The following LRRC37A variants were observed in gnomAD, a reference collection of about 807,000 sequenced individuals.
LRRC37A encodes the protein leucine rich repeat containing 37A.
In LRRC37A, 3 loss-of-function variants were observed where a neutral mutation model predicts 35.4. The ratio of observed to expected loss-of-function variants is 0.08; its 90% CI spans 0.04 to 0.22. The LOEUF (loss-of-function observed/expected upper bound fraction) is 0.22, where lower values mean the gene tolerates loss of function less well. Among genes scored for constraint, LRRC37A ranks in the 10% least tolerant of loss-of-function variants. The pLI is 1.00. For missense variants in LRRC37A, 67 were observed against 565.3 expected (o/e 0.12, Z 8.94); for synonymous variants, 23 against 215.0 (o/e 0.11, Z 7.81).
rs1164145796 is a variant in LRRC37A at position 46,325,706 on chromosome 17, C to T, written c.3053+2679C>T. On this transcript the variant is annotated intron_variant, in intron 7 of 13. Transcript: ENST00000320254. ...AGTGATGATAGTCCTCTGGTTATGT[C>T]GGAGAATGCCTTGGTTCTTAGGGGC... Among the ~76,000 whole-genome samples, 5 of 79,718 alleles carry T rather than the reference C, an allele frequency of 6.3e-5. 2 individuals are homozygous for T. The highest frequency in any genetic ancestry group is 1.5e-4 in the Non-Finnish European group (4 of 26,428). The allele number at this position is 79,718 out of a possible 152,430, so 52.3% of individuals were successfully genotyped here. A position where few individuals can be genotyped will look rare whatever the true frequency, so the allele number is the denominator to read the frequency against.
At position 46,306,048 on chromosome 17, in the gene LRRC37A, T is replaced by C. The variant is rs1185260570; in HGVS notation, c.2826-181T>C. 2.4e-5 allele frequency among the ~76,000 whole-genome samples: 2 copies of C among 81,932 alleles called. 1 individual carries two copies. The highest frequency in any genetic ancestry group is 7.4e-5 in the Non-Finnish European group (2 of 27,030). The allele number at this position is 81,932 out of a possible 152,430, so 53.8% of individuals were successfully genotyped here. A position where few individuals can be genotyped will look rare whatever the true frequency, so the allele number is the denominator to read the frequency against. On this transcript the variant is annotated intron_variant, in intron 4 of 13. Transcript: ENST00000320254. ...TGAACATTCACTGTTTTGTATCTAA[T>C]GCACCACGTGTGCAGTGTTAAAGTA...
upstream of LRRC37A, among the ~76,000 whole-genome samples, chr17:46,288,081 C>T: frequency 6.6e-6 from 1 of 152,154 alleles, no homozygotes; most frequent in Non-Finnish European, 1.5e-5. Context: ...AAGTCGTCCT[C>T]AAGCTTCAAA....
the LRRC37A span, among the ~76,000 whole-genome samples, chr17:46,259,244 C>T: frequency 4.2e-5 from 2 of 47,184 alleles, no homozygotes; most frequent in African/African-American, 3.1e-4. Flanking sequence ...TCATGCTAAG[C>T]TGTGGCAGAG....
At chr17:46,260,391 A>G in the LRRC37A span, 1 of 1,382,510 alleles carries the variant, frequency 7.2e-7, no homozygotes, top group Non-Finnish European at 9.4e-7. Context: ...GCGCTGGAAC[A>G]GCAGGATAGC....
chr17:46,291,907 G>A (rs928090618), upstream of LRRC37A, among the ~76,000 whole-genome samples: 1 of 150,562 alleles, frequency 6.6e-6, no homozygotes, highest in Admixed American at 6.7e-5. Flanking sequence ...GCTGCGATGG[G>A]GTGTGATTGC....
upstream of LRRC37A, among the ~76,000 whole-genome samples, chr17:46,288,968 T>C (rs939730594): frequency 3.1e-4 from 47 of 152,334 alleles, no homozygotes; most frequent in African/African-American, 1.1e-3. Flanking sequence ...CCCAAAGTGC[T>C]GGGATTACAA....
At chr17:46,291,324 T>G (rs2050060578), upstream of LRRC37A, among the ~76,000 whole-genome samples, 1 of 152,182 alleles carries the variant, frequency 6.6e-6, no homozygotes, top group Non-Finnish European at 1.5e-5. Flanking sequence ...GACATAGTCA[T>G]GCTTAAATAA....
At chr17:46,287,550 C>A in the LRRC37A span, among the ~76,000 whole-genome samples, 1 of 152,278 alleles carries the variant, frequency 6.6e-6, no homozygotes, top group Non-Finnish European at 1.5e-5. Flanking sequence ...TAGAGCAATT[C>A]AATCTCTACC....
chr17:46,293,796 G>A (rs2050138284), upstream of LRRC37A: 7 of 288,130 alleles, frequency 2.4e-5, 3 homozygotes, highest in Admixed American at 8.3e-4. Context: ...CCTGTGAAAT[G>A]TGAGAGGAAG....
the LRRC37A span, among the ~76,000 whole-genome samples, chr17:46,270,177 G>C: frequency 6.6e-6 from 1 of 152,196 alleles, no homozygotes; most frequent in African/African-American, 2.4e-5. Flanking sequence ...CAGCCTATTT[G>C]GCCTCACGGT....
the LRRC37A span, among the ~76,000 whole-genome samples, chr17:46,278,223 G>A: frequency 6.6e-6 from 1 of 152,152 alleles, no homozygotes; most frequent in Non-Finnish European, 1.5e-5. Flanking sequence ...TGGGATTACA[G>A]GCATAAGCCA....
the LRRC37A span, among the ~76,000 whole-genome samples, chr17:46,250,829 T>G: frequency 3.9e-5 from 6 of 152,216 alleles, no homozygotes; most frequent in African/African-American, 1.4e-4. Context: ...CAGAGTCTTC[T>G]TCTTCTCCTT....
chr17:46,249,011 T>C, the LRRC37A span, among the ~76,000 whole-genome samples: 2 of 152,010 alleles, frequency 1.3e-5, no homozygotes, highest in Non-Finnish European at 2.9e-5. Context: ...TAAAATACAG[T>C]ATAATTATTT....
rs1288268179 is a variant in LRRC37A, at chr17:46,304,510, T to C, written c.2754-999T>C. Among the ~76,000 whole-genome samples the C allele has an allele frequency of 2.9e-5, 2 of 69,580 alleles. 1 individual carries two copies. The highest frequency in any genetic ancestry group is 8.6e-5 in the Non-Finnish European group (2 of 23,224). The allele number at this position is 69,580 out of a possible 152,430, so 45.6% of individuals were successfully genotyped here. On this transcript the variant is annotated intron_variant, in intron 3 of 13. Transcript: ENST00000320254. Reference sequence around the variant, plus strand: ...TCTTTGCAAGCCACTTCTGGAGAGTTTATATGATGACTGTGTGCAGGATAG... The same window carrying C: ...TCTTTGCAAGCCACTTCTGGAGAGTCTATATGATGACTGTGTGCAGGATAG...
At chr17:46,260,624 T>G in the LRRC37A span, 2 of 918,660 alleles carry the variant, frequency 2.2e-6, no homozygotes, top group Non-Finnish European at 3.2e-6. Flanking sequence ...TATTCTCTTT[T>G]TTTTTTTTTT....
chr17:46,282,127 G>T, the LRRC37A span, among the ~76,000 whole-genome samples: 2 of 151,922 alleles, frequency 1.3e-5, no homozygotes, highest in Admixed American at 1.3e-4. Context: ...TTTTGAGACG[G>T]AGTCTCGCTC....
chr17:46,289,984 T>C (rs1332396831), upstream of LRRC37A, among the ~76,000 whole-genome samples: 1 of 152,222 alleles, frequency 6.6e-6, no homozygotes, highest in African/African-American at 2.4e-5. Context: ...CCAGGTGTGG[T>C]GGCGCATGCC....
chr17:46,291,318 T>C (rs1169846320), upstream of LRRC37A, among the ~76,000 whole-genome samples: 1 of 152,202 alleles, frequency 6.6e-6, no homozygotes, highest in Non-Finnish European at 1.5e-5. Context: ...TGAAAAGACA[T>C]AGTCATGCTT....
chr17:46,280,589 T>TC, the LRRC37A span, among the ~76,000 whole-genome samples: 4 of 149,562 alleles, frequency 2.7e-5, no homozygotes, highest in African/African-American at 9.9e-5. Flanking sequence ...TTTTTTTTTT[T>TC]CCTGAGCAGA....
Sources: allele counts gnomAD v4.1 joint callset (sites outside exome capture counted in the v4.1 genomes callset), GRCh38; gene constraint gnomAD v4.1.1; transcripts MANE v1.5; gene names NCBI Gene and HGNC (gene_info 2026-07-23, HGNC 2026-07-21).